The following RAB38 variants were observed in gnomAD, a reference collection of about 807,000 sequenced individuals.
RAB38 encodes the protein ras-related protein Rab-38.
RAB38 carries 15 observed loss-of-function variants against 18.4 expected under a neutral mutation model. The ratio of observed to expected loss-of-function variants is 0.82; its 90% CI spans 0.55 to 1.26. RAB38 has a LOEUF of 1.26. Ranked by LOEUF, RAB38 falls within the 50% of genes most tolerant of loss-of-function variation. The pLI is 0.00. For synonymous variants in RAB38, 101 were observed against 104.4 expected (o/e 0.97, Z 0.20); for missense variants, 294 against 267.4 (o/e 1.10, Z -0.69).
the RAB38 span, among the ~76,000 whole-genome samples, chr11:87,893,390 A>ATATGTATATATATATATATATATATTTTT: frequency 1.1e-5 from 1 of 93,916 alleles, no homozygotes; most frequent in Non-Finnish European, 2.1e-5. Context: ...ATATATATAT[A>ATATGTATATATATATATATATATATTTTT]TTTTTTTTTT....
intron 2 of RAB38, among the ~76,000 whole-genome samples, chr11:88,134,192 T>C (rs1942802254): frequency 6.6e-6 from 1 of 152,146 alleles, no homozygotes; most frequent in South Asian, 2.1e-4. Flanking sequence ...TCTTACCCAT[T>C]GATCCCTCTG....
the RAB38 span, among the ~76,000 whole-genome samples, chr11:88,093,439 G>T: frequency 2.0e-5 from 3 of 151,720 alleles, no homozygotes; most frequent in Non-Finnish European, 4.4e-5. Flanking sequence ...AAAACTGATT[G>T]TGAGACAATT....
intron 2 of RAB38, among the ~76,000 whole-genome samples, chr11:88,135,486 C>T (rs1942825243): frequency 6.6e-6 from 1 of 152,180 alleles, no homozygotes; most frequent in Non-Finnish European, 1.5e-5. Context: ...AAACTGCTCG[C>T]CACATCTAAT....
the RAB38 span, among the ~76,000 whole-genome samples, chr11:88,006,166 T>A: frequency 6.7e-6 from 1 of 148,918 alleles, no homozygotes. Flanking sequence ...CCAACAGAAA[T>A]AAAAAAAAAA....
the RAB38 span, among the ~76,000 whole-genome samples, chr11:87,822,030 C>T: frequency 2.0e-5 from 3 of 151,764 alleles, no homozygotes; most frequent in East Asian, 5.8e-4. Context: ...TATGCCTCTT[C>T]TAATTACTGC....
At chr11:88,168,174 C>T (rs111493741) in intron 1 of RAB38, among the ~76,000 whole-genome samples, 4 of 152,254 alleles carry the variant, frequency 2.6e-5, no homozygotes, top group African/African-American at 9.6e-5. Flanking sequence ...GCTTCCTCAT[C>T]TATGAAACTG....
the RAB38 span, among the ~76,000 whole-genome samples, chr11:88,064,497 GC>G: frequency 1.3e-5 from 2 of 152,200 alleles, no homozygotes; most frequent in African/African-American, 4.8e-5. Context: ...GATGAAAGGA[GC>G]CTGGATCCTT....
the RAB38 span, among the ~76,000 whole-genome samples, chr11:87,825,878 AG>A: frequency 6.6e-6 from 1 of 152,216 alleles, no homozygotes; most frequent in African/African-American, 2.4e-5. Flanking sequence ...TTAACTTCAG[AG>A]GACTAAATGT....
intron 1 of RAB38, among the ~76,000 whole-genome samples, chr11:88,158,803 T>A (rs547023884): frequency 6.6e-6 from 1 of 151,764 alleles, no homozygotes; most frequent in Non-Finnish European, 1.5e-5. Flanking sequence ...AAACCCACAG[T>A]CAACATGACA....
At chr11:88,114,674 G>A (rs939739446) in intron 2 of RAB38, among the ~76,000 whole-genome samples, 7 of 152,184 alleles carry the variant, frequency 4.6e-5, no homozygotes, top group South Asian at 2.1e-4. Flanking sequence ...CTTGTTGGGC[G>A]TCAAAATGTG....
chr11:87,821,634 G>A, the RAB38 span, among the ~76,000 whole-genome samples: 2 of 152,004 alleles, frequency 1.3e-5, no homozygotes, highest in African/African-American at 4.8e-5. Context: ...TAGATCACCT[G>A]AGGTCAGGAG....
the RAB38 span, among the ~76,000 whole-genome samples, chr11:88,024,073 C>T: frequency 6.6e-6 from 1 of 151,934 alleles, no homozygotes; most frequent in African/African-American, 2.4e-5. Flanking sequence ...AAAGCTTTTA[C>T]ATAGTGAAGG....
At chr11:87,826,606 C>T in the RAB38 span, among the ~76,000 whole-genome samples, 1 of 152,124 alleles carries the variant, frequency 6.6e-6, no homozygotes, top group Non-Finnish European at 1.5e-5. Context: ...CTTTCTGAGT[C>T]AGTCAATTTG....
At chr11:88,131,409 A>G (rs553929157) in intron 2 of RAB38, among the ~76,000 whole-genome samples, 2 of 152,278 alleles carry the variant, frequency 1.3e-5, no homozygotes, top group African/African-American at 2.4e-5. Context: ...TCAATATGCA[A>G]TATCTCCTCT....
chr11:87,941,877 G>C, the RAB38 span, among the ~76,000 whole-genome samples: 3 of 152,120 alleles, frequency 2.0e-5, no homozygotes, highest in African/African-American at 7.2e-5. Context: ...GAAAGACACA[G>C]AGACTCCCTT....
chr11:88,021,853 C>CAAA, the RAB38 span, among the ~76,000 whole-genome samples: 15,802 of 120,104 alleles, frequency 0.13, 1,337 homozygotes, highest in Middle Eastern at 0.19. Flanking sequence ...AACTCCATCT[C>CAAA]AAAAAAAAAA....
chr11:88,027,317 C>A, the RAB38 span, among the ~76,000 whole-genome samples: 1 of 152,154 alleles, frequency 6.6e-6, no homozygotes, highest in African/African-American at 2.4e-5. Context: ...GTGATTTCTG[C>A]ATTTCCATCT....
the RAB38 span, among the ~76,000 whole-genome samples, chr11:87,911,931 T>C: frequency 6.6e-6 from 1 of 151,952 alleles, no homozygotes; most frequent in Non-Finnish European, 1.5e-5. Context: ...GGAATGGATA[T>C]GGATTTTGGC....
chr11:87,873,451 A>G, the RAB38 span, among the ~76,000 whole-genome samples: 9,555 of 151,534 alleles, frequency 0.063, 389 homozygotes, highest in Admixed American at 0.089. Context: ...GTTATTATTT[A>G]GTGATGAGGT....
Sources: allele counts gnomAD v4.1 joint callset (sites outside exome capture counted in the v4.1 genomes callset), GRCh38; gene constraint gnomAD v4.1.1; transcripts MANE v1.5; gene names NCBI Gene and HGNC (gene_info 2026-07-23, HGNC 2026-07-21).